The following CRYL1 variants were observed in gnomAD, a reference collection of about 807,000 sequenced individuals.
CRYL1 encodes the protein crystallin lambda 1, also known as lambda-crystallin homolog.
Under a neutral mutation model 36.6 loss-of-function variants are expected in CRYL1, and 29 were observed. The ratio of observed to expected loss-of-function variants is 0.79; its 90% CI spans 0.59 to 1.08. CRYL1 has a LOEUF of 1.08. CRYL1 is among the 50% of genes least tolerant of loss of function. The probability of loss-of-function intolerance (pLI) is 0.00; values close to 1 mark genes in which losing one functional copy is unlikely to be tolerated. For synonymous variants in CRYL1, 152 were observed against 151.5 expected, an observed-to-expected ratio of 1.00 and a Z score of -0.02; for missense variants, 411 against 407.9, an observed-to-expected ratio of 1.01 and a Z score of -0.06.
chr13:20,416,330 G>A (rs2031663276), intron 5 of CRYL1, among the ~76,000 whole-genome samples: 1 of 152,188 alleles, frequency 6.6e-6, no homozygotes, highest in Non-Finnish European at 1.5e-5. Context: ...GGGGCATCAC[G>A]GGGGCTGGGG....
chr13:20,415,658 C>G lies in CRYL1; in HGVS notation c.634-2271G>C, dbSNP rs1303766475. On this transcript the variant is annotated intron_variant, in intron 5 of 7. Transcript: ENST00000298248. The surrounding 1 kb of genome is among the most constrained non-coding windows in gnomAD (Gnocchi z 4.1). The stretch of plus-strand genomic sequence containing the variant: ...GCTGAACAAGCCACAGTCCACGTTT[C>G]CAGGAGAATTACAAAGCAAACGCTT... Among the ~76,000 whole-genome samples the G allele has an allele frequency of 1.3e-5, 2 of 152,238 alleles. No individual in the cohort carries two copies. The highest frequency in any genetic ancestry group is 2.9e-5 in the Non-Finnish European group (2 of 68,040).
chr13:20,469,500 C>T (rs117723796), intron 3 of CRYL1, among the ~76,000 whole-genome samples: 11 of 152,272 alleles, frequency 7.2e-5, no homozygotes, highest in Non-Finnish European at 1.6e-4. Flanking sequence ...TTTAACCCAC[C>T]TTAAACAATA....
At chr13:20,422,224 G>A (rs1020210985) in intron 5 of CRYL1, among the ~76,000 whole-genome samples, 4 of 152,060 alleles carry the variant, frequency 2.6e-5, no homozygotes, top group African/African-American at 9.7e-5. Context: ...GCCAGGCATG[G>A]TGGCATGCGC....
chr13:20,431,290 C>T lies in CRYL1; in HGVS notation c.633+812G>A, dbSNP rs577035764. ...ACTGTGGAGCCAGGTGCAGATGACT[C>T]GAGCCCGAGCAGCGTCCTCCCTACG... On this transcript the variant is annotated intron_variant, in intron 5 of 7. Coordinates refer to ENST00000298248, the MANE Select transcript of CRYL1 (RefSeq NM_015974.3). The T allele has an allele frequency of 1.4e-5, 14 of 985,290 alleles. No individual in the cohort carries two copies. The African/African-American group carries it at 2.3e-4, about 16-fold the overall frequency. The allele number at this position is 985,290 out of a possible 1,614,324, so 61.0% of individuals were successfully genotyped here. A position where few individuals can be genotyped will look rare whatever the true frequency, so the allele number is the denominator to read the frequency against.
intron 2 of CRYL1, among the ~76,000 whole-genome samples, chr13:20,503,876 AT>A (rs2033746140): frequency 6.6e-6 from 1 of 152,214 alleles, no homozygotes; most frequent in Non-Finnish European, 1.5e-5. Flanking sequence ...AGCACAAGAA[AT>A]TCAGTCACTT....
chr13:20,494,076 T>G (rs1404257012), intron 2 of CRYL1, among the ~76,000 whole-genome samples: 2 of 152,252 alleles, frequency 1.3e-5, no homozygotes, highest in Admixed American at 1.3e-4. Context: ...TTTTCAGTTT[T>G]TAACTATACG....
intron 1 of CRYL1, among the ~76,000 whole-genome samples, chr13:20,522,911 C>CTTTTTT (rs386378385): frequency 0.022 from 1,852 of 82,950 alleles, 85 homozygotes; most frequent in Non-Finnish European, 0.03. Flanking sequence ...CCCATTTCTA[C>CTTTTTT]TTTTTTTTTT....
In CRYL1 at chr13:20,489,357, G is replaced by A. The variant is rs9579873; in HGVS notation, c.276+13C>T. ...CAGGCCCCACAGATGCGGCGCCAGTGTCCTTCACTCACCTGAATGTGCATG... is the reference window on the plus strand; with the variant it reads ...CAGGCCCCACAGATGCGGCGCCAGTATCCTTCACTCACCTGAATGTGCATG... On this transcript the variant is annotated intron_variant, in intron 3 of 7. Transcript: ENST00000298248. 12,533 of 1,612,626 alleles carry A rather than the reference G, an allele frequency of 7.8e-3. 769 individuals are homozygous for A. In the African/African-American group the frequency reaches 0.14, roughly 18 times the overall value.
At chr13:20,491,746 G>A (rs1404350850) in intron 2 of CRYL1, among the ~76,000 whole-genome samples, 1 of 152,186 alleles carries the variant, frequency 6.6e-6, no homozygotes, top group Non-Finnish European at 1.5e-5. Flanking sequence ...AGCCATGATT[G>A]TGCCACTGTA....
intron 2 of CRYL1, among the ~76,000 whole-genome samples, chr13:20,497,340 C>CACA (rs35143961): frequency 0.57 from 2,805 of 4,964 alleles, 918 homozygotes; most frequent in Non-Finnish European, 0.85. Context: ...CCACCACACA[C>CACA]ACTACACACA....
chr13:20,408,989 GA>G (rs1194544695), intron 6 of CRYL1, among the ~76,000 whole-genome samples: 6 of 151,996 alleles, frequency 3.9e-5, no homozygotes, highest in African/African-American at 1.5e-4. Flanking sequence ...CACAGAATTG[GA>G]AAAAACTACT....
intron 2 of CRYL1, among the ~76,000 whole-genome samples, chr13:20,503,303 G>C (rs1050637563): frequency 3.9e-5 from 6 of 152,182 alleles, no homozygotes; most frequent in African/African-American, 1.4e-4. Flanking sequence ...TGAACTTTGG[G>C]CAACAGACAC....
chr13:20,501,966 C>T (rs2033710868), intron 2 of CRYL1, among the ~76,000 whole-genome samples: 1 of 152,202 alleles, frequency 6.6e-6, no homozygotes, highest in Non-Finnish European at 1.5e-5. Flanking sequence ...GTCCATGTGG[C>T]ACGGTGATAG....
chr13:20,525,322 G>C lies in CRYL1; in HGVS notation c.41+432C>G, dbSNP rs538813345. ...CCTGTGACCTTAGGTAAACTGCTTA[G>C]TCTCAGTATTCTCATTCGTAAAATG... On this transcript the variant is annotated intron_variant, in intron 1 of 7. Coordinates refer to ENST00000298248, the MANE Select transcript of CRYL1 (RefSeq NM_015974.3). The surrounding 1 kb of genome is among the most constrained non-coding windows in gnomAD (Gnocchi z 4.3). Among the ~76,000 whole-genome samples, 114 of 152,354 alleles carry C rather than the reference G, an allele frequency of 7.5e-4. 1 individual carries two copies. The highest frequency in any genetic ancestry group is 2.7e-3 in the African/African-American group (111 of 41,574).
At chr13:20,442,226 A>G (rs1169596917) in intron 3 of CRYL1, among the ~76,000 whole-genome samples, 1 of 152,248 alleles carries the variant, frequency 6.6e-6, no homozygotes, top group African/African-American at 2.4e-5. Flanking sequence ...TGATTATCAA[A>G]GAGGCAAGAA....
At chr13:20,508,887 A>AAG (rs2033860393) in intron 2 of CRYL1, among the ~76,000 whole-genome samples, 3 of 127,086 alleles carry the variant, frequency 2.4e-5, no homozygotes, top group African/African-American at 8.5e-5. Flanking sequence ...AAAAAAAAAA[A>AAG]ACTGACAACA....
At chr13:20,484,086 G>C (rs2033343477) in intron 3 of CRYL1, among the ~76,000 whole-genome samples, 2 of 152,192 alleles carry the variant, frequency 1.3e-5, no homozygotes, top group Admixed American at 1.3e-4. Context: ...AAAGTGCTGG[G>C]ATTACAGGCG....
intron 2 of CRYL1, among the ~76,000 whole-genome samples, chr13:20,509,984 G>A (rs1163867255): frequency 6.6e-6 from 1 of 152,128 alleles, no homozygotes; most frequent in African/African-American, 2.4e-5. Flanking sequence ...TATTAGAATG[G>A]CTAAAATCCA....
At position 20,511,298 on chromosome 13, in the gene CRYL1, C is replaced by T. The variant is rs1444181692; in HGVS notation, c.149+1145G>A. The stretch of plus-strand genomic sequence containing the variant: ...GTAGAGACGGGGTCTCACTATGTTG[C>T]CCACACTGGTCTTGAACTCCTGGCC... On this transcript the variant is annotated intron_variant, in intron 2 of 7. Coordinates refer to ENST00000298248, the MANE Select transcript of CRYL1 (RefSeq NM_015974.3). 2.6e-5 allele frequency among the ~76,000 whole-genome samples: 4 copies of T among 151,874 alleles called. No individual in the cohort carries two copies. The East Asian group carries it at 5.8e-4, about 22-fold the overall frequency.
Sources: gnomAD v4.1 joint callset for allele counts (sites outside exome capture counted in the v4.1 genomes callset) on GRCh38, gnomAD v4.1.1 for gene constraint, Gnocchi (gnomAD v3.1) non-coding constraint, MANE v1.5 for transcripts, NCBI Gene and HGNC (gene_info 2026-07-23, HGNC 2026-07-21) for gene names.